The following COPE variants were observed in gnomAD, a reference collection of about 807,000 sequenced individuals.
COPE encodes the protein coatomer subunit epsilon.
In COPE, 19 loss-of-function variants were observed where a neutral mutation model predicts 42.1. The observed-to-expected ratio is 0.45, with a 90% CI of 0.31 to 0.66. The LOEUF is 0.66. COPE is among the 30% of genes least tolerant of loss of function. The pLI, the probability that COPE is intolerant of heterozygous loss-of-function variation, is 0.05. For synonymous variants in COPE, 195 were observed against 181.3 expected (o/e 1.08, Z -0.60); for missense variants, 402 against 416.1 (o/e 0.97, Z 0.30).
intron 8 of COPE, 70 bp from the exon 9 acceptor site, chr19:18,900,017 G>C: frequency 7.5e-7 from 1 of 1,337,188 alleles, no homozygotes; most frequent in Non-Finnish European, 1.0e-6. Flanking sequence ...CTGCTGGACA[G>C]GGGTGGATTG....
intron 1 of COPE, among the ~76,000 whole-genome samples, chr19:18,914,267 T>C (rs1489255096): frequency 6.6e-6 from 1 of 152,082 alleles, no homozygotes; most frequent in Admixed American, 6.5e-5. Context: ...AGGCCGGGCA[T>C]GGTAGCTCAT....
At chr19:18,902,560 G>A (rs2056710175) in intron 7 of COPE, among the ~76,000 whole-genome samples, 1 of 149,084 alleles carries the variant, frequency 6.7e-6, no homozygotes, top group Non-Finnish European at 1.5e-5. Flanking sequence ...AGCTACTTGG[G>A]AGGCTGAGGC....
intron 3 of COPE, among the ~76,000 whole-genome samples, chr19:18,910,097 G>A (rs2056796094): frequency 6.6e-6 from 1 of 152,198 alleles, no homozygotes; most frequent in Non-Finnish European, 1.5e-5. Context: ...AGGAAGAGCA[G>A]GATCACAGCA....
At chr19:18,912,912 G>A (rs2056823277) in intron 2 of COPE, 72 bp downstream of exon 2, 9 of 1,492,158 alleles carry the variant, frequency 6.0e-6, no homozygotes, top group Non-Finnish European at 8.3e-6. Flanking sequence ...CCACTCTGTG[G>A]TGCCTTCCTG....
intron 3 of COPE, among the ~76,000 whole-genome samples, chr19:18,909,922 C>T (rs2056794689): frequency 1.3e-5 from 2 of 152,138 alleles, no homozygotes; most frequent in African/African-American, 4.8e-5. Context: ...ACCCTTTTTC[C>T]AAATGATATC....
At chr19:18,911,287 C>T (rs987906576) in intron 2 of COPE, 29 of 574,186 alleles carry the variant, frequency 5.1e-5, no homozygotes, top group Non-Finnish European at 8.8e-5. Context: ...GCCACACTGC[C>T]CATGCCTTGA....
At chr19:18,905,494 AG>A in intron 5 of COPE, 81 bp downstream of exon 5, 1 of 1,370,398 alleles carries the variant, frequency 7.3e-7, no homozygotes, top group Admixed American at 2.5e-5. Flanking sequence ...ACAGCACCAC[AG>A]ACGCTCTGGG....
In COPE at chr19:18,906,168, C is replaced by T. The variant is rs1280447701; in HGVS notation, c.444-539G>A. 4 of 394,302 alleles carry T rather than the reference C, an allele frequency of 1.0e-5. No homozygotes were observed. The South Asian group carries it at 4.2e-4, about 42-fold the overall frequency. 24.4% of individuals were successfully genotyped at this position (394,302 alleles called of 1,614,324 possible). ...ACCAGCACCGAGTCGGCCGGCTCGC[C>T]GACAGTGTGACATCCCTATTTATTT... On this transcript the variant is annotated intron_variant, in intron 4 of 9. Coordinates refer to ENST00000262812, the MANE Select transcript of COPE (RefSeq NM_007263.4).
At chr19:18,906,749 C>T (rs541665802) in intron 4 of COPE, 25 of 538,504 alleles carry the variant, frequency 4.6e-5, no homozygotes, top group Admixed American at 2.1e-4. Flanking sequence ...GCCTGGGCAC[C>T]GTGTCCTTGG....
intron 3 of COPE, among the ~76,000 whole-genome samples, chr19:18,909,075 G>A (rs191836489): frequency 6.6e-5 from 10 of 152,344 alleles, no homozygotes; most frequent in East Asian, 5.8e-4. Flanking sequence ...ATGAGGTCGC[G>A]GCTGTGCAGC....
Position 18,913,193 on chromosome 19 carries a change from G to A in COPE, c.127-147C>T, listed in dbSNP as rs184001529. ...GTCTGAGTCCCAGCCCTGATCCTCC[G>A]TAGCCCGAGTGGCCTCTGCTGGGGG... On this transcript the variant is annotated intron_variant, in intron 1 of 9. Transcript: ENST00000262812. 1.5e-3 allele frequency: 1,044 copies of A among 706,934 alleles called. 11 individuals are homozygous for A. Among genetic ancestry groups the A allele is most frequent in the Non-Finnish European group, 2.2e-4 (88 of 403,640 alleles). 43.8% of individuals were successfully genotyped at this position (706,934 alleles called of 1,614,324 possible).
At chr19:18,914,733 G>T (rs1329400901) in intron 1 of COPE, among the ~76,000 whole-genome samples, 1 of 150,362 alleles carries the variant, frequency 6.7e-6, no homozygotes, top group Non-Finnish European at 1.5e-5. Context: ...ACCAGCATAG[G>T]CAACATAGCA....
At position 18,905,636 on chromosome 19, in the gene COPE, G is replaced by C. The variant is rs768582970; in HGVS notation, c.444-7C>G. 1 of 1,590,996 alleles carries C rather than the reference G, an allele frequency of 6.3e-7. No individual in the cohort carries two copies. The highest frequency in any genetic ancestry group is 8.5e-7 in the Non-Finnish European group (1 of 1,176,962). On this transcript the variant is annotated splice_region_variant and splice_polypyrimidine_tract_variant and intron_variant, in intron 4 of 9. Transcript: ENST00000262812. ...CTGCACTGTCATGGCTGTGCTGCAG[G>C]ACAGGGCGAGGGGGCGGTCAGCGGG...
intron 1 of COPE, among the ~76,000 whole-genome samples, chr19:18,914,410 G>A (rs1351760523): frequency 2.0e-5 from 3 of 151,142 alleles, no homozygotes; most frequent in South Asian, 2.1e-4. Context: ...GTGTGGTGGC[G>A]GGCGCCTATA....
At position 18,903,423 on chromosome 19, in the gene COPE, C is replaced by T. The variant is rs2056728066; in HGVS notation, c.580G>A (p.Gly194Ser). The T allele has an allele frequency of 1.9e-6, 3 of 1,605,390 alleles. No homozygotes were observed. Among genetic ancestry groups the T allele is most frequent in the South Asian group, 1.1e-5 (1 of 89,910 alleles). Residue 194 changes from glycine (G) to serine (S), a missense_variant and splice_region_variant, in exon 7 of 10, where the codon GGT (glycine) becomes AGT (serine). Transcript: ENST00000262812. ...TAGGCATCCTGCAGCTTCTCACCAC[C>T]CTGCAGGGAGGGTCCCGCATCATTG... ...LATAWVSLAT[G>S]GEKLQDAYYI...
chr19:18,905,030 C>T (rs1016438586), intron 5 of COPE, among the ~76,000 whole-genome samples, 178 bp from the exon 6 acceptor site: 2 of 152,336 alleles, frequency 1.3e-5, no homozygotes, highest in African/African-American at 2.4e-5. Context: ...TGACCACGTG[C>T]AGGCCCTGGG....
chr19:18,905,256 C>T (rs2056747856), intron 5 of COPE, among the ~76,000 whole-genome samples: 1 of 152,206 alleles, frequency 6.6e-6, no homozygotes, highest in African/African-American at 2.4e-5. Context: ...GCCCCGCCAG[C>T]CCCACGGCAC....
At chr19:18,900,262 G>A in intron 8 of COPE, 119 bp downstream of exon 8, 1 of 827,812 alleles carries the variant, frequency 1.2e-6, no homozygotes, top group Non-Finnish European at 1.9e-6. Context: ...GAGGTGGGCT[G>A]CGGTAGGCAT....
In COPE at chr19:18,903,265, T is replaced by C. The variant is rs1032641245; in HGVS notation, c.735+3A>G. The C allele has an allele frequency of 3.8e-6, 6 of 1,582,680 alleles. No individual in the cohort carries two copies. Among genetic ancestry groups the C allele is most frequent in the Non-Finnish European group, 5.2e-6 (6 of 1,164,848 alleles). ...CCCCACTCTGGGACAGGCTTGTGCC[T>C]ACCTTGTCTAGCGCCTCCTGCAGCA... On this transcript the variant is annotated splice_donor_region_variant and intron_variant, in intron 7 of 9. Coordinates refer to ENST00000262812, the MANE Select transcript of COPE (RefSeq NM_007263.4).
Sources: gnomAD v4.1 joint callset for allele counts (sites outside exome capture counted in the v4.1 genomes callset) on GRCh38, gnomAD v4.1.1 for gene constraint, MANE v1.5 for transcripts, NCBI Gene and HGNC (gene_info 2026-07-23, HGNC 2026-07-21) for gene names.